RELN: variants seen among roughly 807,000 people sequenced by gnomAD.
RELN encodes reelin.
Under a neutral mutation model 427.6 loss-of-function variants are expected in RELN, and 108 were observed. That is an observed-to-expected ratio of 0.25 (90% confidence interval 0.22 to 0.30). The LOEUF (loss-of-function observed/expected upper bound fraction) is 0.30. Among genes scored for constraint, RELN ranks in the 10% least tolerant of loss-of-function variants. The pLI is 1.00. For missense variants in RELN, 3,715 were observed against 4,302.8 expected (o/e 0.86, Z 3.82); for synonymous variants, 1,524 against 1,513.4 (o/e 1.01, Z -0.16).
chr7:103,682,354 T>A, intron 10 of RELN, 93 bp from the exon 11 acceptor site: 2 of 1,329,828 alleles, frequency 1.5e-6, no homozygotes, highest in Non-Finnish European at 2.2e-6. Context: ...TTAGAAAAGT[T>A]ATTATATTAG....
At chr7:103,865,339 A>C (rs1261293696) in intron 2 of RELN, among the ~76,000 whole-genome samples, 1 of 151,600 alleles carries the variant, frequency 6.6e-6, no homozygotes, top group Non-Finnish European at 1.5e-5. Context: ...AAAAGAAGTA[A>C]TATCAATCTT....
intron 2 of RELN, among the ~76,000 whole-genome samples, chr7:103,907,600 G>A (rs1795242545): frequency 6.6e-6 from 1 of 151,608 alleles, no homozygotes; most frequent in African/African-American, 2.4e-5. Flanking sequence ...ACTTCTTTTG[G>A]AGGTGACATT....
In RELN at chr7:103,561,599, T is replaced by C. The variant is rs756424740; in HGVS notation, c.5462A>G (p.Tyr1821Cys). ...ATTCAGATTCCCCCTCTCTGCACCA[T>C]ACACTTCAGGCCAAAGGTCAGGATG... ...NLHPDLWPEV[Y>C]GAERGNLNGE... The change falls in exon 36 of 65, where the codon TAT (tyrosine) becomes TGT (cysteine). Residue 1821 changes from tyrosine to cysteine, a missense_variant. Physicochemically the swap from Tyr to Cys is radical, Grantham distance 194. Transcript: ENST00000428762. 8.7e-6 allele frequency: 14 copies of C among 1,613,886 alleles called. No homozygotes were observed. Among genetic ancestry groups the C allele is most frequent in the East Asian group, 2.2e-5 (1 of 44,872 alleles).
At chr7:103,962,659 T>C (rs1056851059) in intron 1 of RELN, among the ~76,000 whole-genome samples, 1 of 151,856 alleles carries the variant, frequency 6.6e-6, no homozygotes. Context: ...TGTGTGTGTG[T>C]GTGTGTGTGT....
At chr7:103,790,390 T>C (rs940744185) in intron 3 of RELN, among the ~76,000 whole-genome samples, 4 of 152,196 alleles carry the variant, frequency 2.6e-5, no homozygotes, top group Admixed American at 2.6e-4. Context: ...CTACTGTTGT[T>C]GGAATTTTAC....
At chr7:103,971,947 C>A (rs565627944) in intron 1 of RELN, among the ~76,000 whole-genome samples, 1 of 150,944 alleles carries the variant, frequency 6.6e-6, no homozygotes, top group South Asian at 2.1e-4. Context: ...GTGGCCTGCC[C>A]CTGTAATCTC....
intron 36 of RELN, among the ~76,000 whole-genome samples, chr7:103,560,506 T>A (rs1830618775): frequency 6.6e-6 from 1 of 152,218 alleles, no homozygotes; most frequent in Non-Finnish European, 1.5e-5. Context: ...CTTAAAAATT[T>A]ATCAGATAAA....
At chr7:103,831,811 G>C (rs1793280289) in intron 3 of RELN, among the ~76,000 whole-genome samples, 1 of 152,098 alleles carries the variant, frequency 6.6e-6, no homozygotes, top group Non-Finnish European at 1.5e-5. Flanking sequence ...CTTCAGAAAG[G>C]AGTTTGAGGC....
In RELN at chr7:103,709,432, A is replaced by C. The variant is rs1789733873; in HGVS notation, c.806-8426T>G. Among the ~76,000 whole-genome samples the C allele has an allele frequency of 3.3e-5, 5 of 152,264 alleles. No homozygotes were observed. The South Asian group carries it at 1.0e-3, about 31-fold the overall frequency. On this transcript the variant is annotated intron_variant, in intron 8 of 64. Transcript: ENST00000428762. Reference sequence around the variant, plus strand: ...TTTCTTGTAAGGGCTGCCTTAACTGAAACAGAAAACATAATAACCATGTTT... The same window carrying C: ...TTTCTTGTAAGGGCTGCCTTAACTGCAACAGAAAACATAATAACCATGTTT...
chr7:103,722,671 T>C (rs1790107405), intron 8 of RELN, among the ~76,000 whole-genome samples: 2 of 152,200 alleles, frequency 1.3e-5, no homozygotes, highest in Admixed American at 1.3e-4. Context: ...GATATGGTCA[T>C]TGTTTTCATT....
chr7:103,708,462 C>CTTTTTTTTT (rs1562965678), intron 8 of RELN, among the ~76,000 whole-genome samples: 2 of 96,878 alleles, frequency 2.1e-5, no homozygotes, highest in East Asian at 5.7e-4. Flanking sequence ...GTGGGTATGA[C>CTTTTTTTTT]TCTTTTTTTT....
At chr7:103,670,296 T>G (rs988745436) in intron 11 of RELN, among the ~76,000 whole-genome samples, 4 of 152,252 alleles carry the variant, frequency 2.6e-5, no homozygotes, top group Middle Eastern at 3.4e-3. Flanking sequence ...TGCATACACA[T>G]CTGATTATCT....
chr7:103,666,686 C>T (rs1402043054), intron 11 of RELN, among the ~76,000 whole-genome samples: 2 of 152,138 alleles, frequency 1.3e-5, no homozygotes, highest in Non-Finnish European at 2.9e-5. Flanking sequence ...TTGTGAGCAT[C>T]TTGGAGGTTC....
chr7:103,917,006 T>C (rs1300420304), intron 2 of RELN, 69 bp downstream of exon 2: 8 of 1,123,616 alleles, frequency 7.1e-6, no homozygotes, highest in African/African-American at 1.5e-5. Context: ...TTAAAACAGA[T>C]ACTTTAAAAC....
At position 103,967,211 on chromosome 7, in the gene RELN, TA is replaced by T. The variant is rs547226576; in HGVS notation, c.226+21919del. ...ACCCATGGAGACCAATTCCAAAGCCTACGCTCTTAGTCACTCTGCCAGCCTG... is the reference window on the plus strand; with the variant it reads ...ACCCATGGAGACCAATTCCAAAGCCTCGCTCTTAGTCACTCTGCCAGCCTG... On this transcript the variant is annotated intron_variant, in intron 1 of 64. Coordinates refer to ENST00000428762, the MANE Select transcript of RELN (RefSeq NM_005045.4). Among the ~76,000 whole-genome samples, 513 of 152,258 alleles carry T rather than the reference TA, an allele frequency of 3.4e-3. 4 individuals are homozygous for T. The highest frequency in any genetic ancestry group is 0.012 in the African/African-American group (486 of 41,552).
chr7:103,928,476 G>A (rs1283532811), intron 1 of RELN, among the ~76,000 whole-genome samples: 1 of 152,186 alleles, frequency 6.6e-6, no homozygotes, highest in Non-Finnish European at 1.5e-5. Flanking sequence ...CATCTAGGTG[G>A]ATTCTGTGTG....
Position 103,816,660 on chromosome 7 carries a change from A to T in RELN, c.473+16877T>A, listed in dbSNP as rs145459886. ...AACCATAACTCCAGGGATCTGTAAG[A>T]CCAACATTCTCTATTCTCCTTTCAG... On this transcript the variant is annotated intron_variant, in intron 3 of 64. Coordinates refer to ENST00000428762, the MANE Select transcript of RELN (RefSeq NM_005045.4). Among the ~76,000 whole-genome samples the T allele has an allele frequency of 2.9e-4, 44 of 152,084 alleles. No homozygotes were observed. In the East Asian group the frequency reaches 7.7e-3, roughly 27 times the overall value.
At chr7:103,669,400 A>G (rs1473345167) in intron 11 of RELN, among the ~76,000 whole-genome samples, 3 of 152,170 alleles carry the variant, frequency 2.0e-5, no homozygotes, top group Non-Finnish European at 4.4e-5. Flanking sequence ...TCTTTCATGA[A>G]TTTGTGTAAA....
intron 1 of RELN, among the ~76,000 whole-genome samples, chr7:103,967,120 G>C (rs1796675686): frequency 6.6e-6 from 1 of 152,152 alleles, no homozygotes. Context: ...CACTGACTAA[G>C]ATATGGGTGT....
Sources: allele counts gnomAD v4.1 joint callset (sites outside exome capture counted in the v4.1 genomes callset), GRCh38; gene constraint gnomAD v4.1.1; transcripts MANE v1.5; gene names NCBI Gene and HGNC (gene_info 2026-07-23, HGNC 2026-07-21).